The following RPH3AL variants were observed in gnomAD, a reference collection of about 807,000 sequenced individuals.
RPH3AL encodes the protein rabphilin 3A like (without C2 domains), also known as rab effector Noc2.
Under a neutral mutation model 43.1 loss-of-function variants are expected in RPH3AL, and 38 were observed. That is an observed-to-expected ratio of 0.88 (90% confidence interval 0.68 to 1.15). RPH3AL has a LOEUF of 1.15. Ranked by LOEUF, RPH3AL falls within the 50% of genes most tolerant of loss-of-function variation. RPH3AL has a pLI of 0.00. For synonymous variants in RPH3AL, 189 were observed against 176.3 expected (o/e 1.07, Z -0.57); for missense variants, 462 against 423.2 (o/e 1.09, Z -0.81).
chr17:284,221 T>C (rs913300895), intron 5 of RPH3AL, among the ~76,000 whole-genome samples: 2 of 151,804 alleles, frequency 1.3e-5, no homozygotes, highest in African/African-American at 2.4e-5. Flanking sequence ...CGGGCCAGAG[T>C]ATGAAGGAGG....
At chr17:237,695 T>A (rs925875829) in intron 7 of RPH3AL, among the ~76,000 whole-genome samples, 1 of 152,102 alleles carries the variant, frequency 6.6e-6, no homozygotes, top group Non-Finnish European at 1.5e-5. Context: ...CACAGCCCAG[T>A]GACAAGGCTT....
chr17:233,012 C>T (rs936700872), intron 7 of RPH3AL, among the ~76,000 whole-genome samples: 1 of 152,054 alleles, frequency 6.6e-6, no homozygotes, highest in African/African-American at 2.4e-5. Flanking sequence ...AAGAGGCCTT[C>T]CTGGGGCTAG....
At chr17:316,550 CTGACATG>C (rs2044208802) in intron 5 of RPH3AL, among the ~76,000 whole-genome samples, 1 of 97,092 alleles carries the variant, frequency 1.0e-5, no homozygotes, top group Admixed American at 1.1e-4. Context: ...TCCACCTCCA[CTGACATG>C]TAGTCCCTGT....
rs914594480 is a variant in RPH3AL at position 338,188 on chromosome 17, G to A, written c.-212-4254C>T. Among the ~76,000 whole-genome samples the A allele has an allele frequency of 3.3e-5, 5 of 152,308 alleles. No individual in the cohort carries two copies. The East Asian group carries it at 5.8e-4, about 18-fold the overall frequency. On this transcript the variant is annotated intron_variant, in intron 1 of 9. Transcript: ENST00000331302. ...TGACAGCAGGGAAACCAGGCTGGGC[G>A]TGGTGGCTCACACCTGTAACCCCAG...
intron 7 of RPH3AL, among the ~76,000 whole-genome samples, chr17:234,861 A>G (rs1231743261): frequency 2.0e-5 from 3 of 152,230 alleles, no homozygotes; most frequent in East Asian, 3.8e-4. Context: ...AGGGACAGAG[A>G]GAGAAGGAAG....
chr17:324,010 G>A (rs940072048), intron 3 of RPH3AL, among the ~76,000 whole-genome samples: 14 of 151,452 alleles, frequency 9.2e-5, no homozygotes, highest in African/African-American at 2.7e-4. Context: ...CACCCTGCAA[G>A]GCAGGCCCAG....
chr17:231,843 T>C lies in RPH3AL; in HGVS notation c.614-12107A>G, dbSNP rs561914819. Among the ~76,000 whole-genome samples the C allele has an allele frequency of 1.3e-5, 2 of 152,376 alleles. 1 individual carries two copies. The highest frequency in any genetic ancestry group is 4.1e-4 in the South Asian group (2 of 4,832). On this transcript the variant is annotated intron_variant, in intron 7 of 9. Coordinates refer to ENST00000331302, the MANE Select transcript of RPH3AL (RefSeq NM_006987.4). ...TCGGGCAAATTAGAGGCGACAGCCA[T>C]GCTCCTGACCTCCGTGGTGTGGCTG... is the stretch of plus-strand genomic sequence containing the variant.
intron 7 of RPH3AL, among the ~76,000 whole-genome samples, chr17:241,022 A>C (rs897627813): frequency 2.6e-5 from 4 of 151,252 alleles, no homozygotes; most frequent in Non-Finnish European, 5.9e-5. Context: ...GTGCCACTGC[A>C]CTCCAGCCTG....
chr17:299,324 C>A (rs1209083705), intron 5 of RPH3AL, among the ~76,000 whole-genome samples: 3 of 152,166 alleles, frequency 2.0e-5, no homozygotes, highest in Non-Finnish European at 4.4e-5. Context: ...CTCAGTTTAT[C>A]CATCTGTAAC....
chr17:270,943 A>G (rs1185207803), intron 6 of RPH3AL, among the ~76,000 whole-genome samples: 2 of 152,086 alleles, frequency 1.3e-5, no homozygotes, highest in African/African-American at 4.8e-5. Context: ...ATCTTGAATT[A>G]ATTTTTGTAT....
intron 7 of RPH3AL, among the ~76,000 whole-genome samples, chr17:233,601 A>G (rs533319088): frequency 6.6e-6 from 1 of 152,332 alleles, no homozygotes; most frequent in South Asian, 2.1e-4. Flanking sequence ...TGCAAAGGTC[A>G]GGGAGTGAAG....
rs1005815951 is a variant in RPH3AL, at chr17:322,853, T to C, written c.78-1438A>G. ...TTCTCTGTCAGGGGGAGCTGGGGGCTGATGAATGTGAAGATCTAGGGTTTG... is the reference window on the plus strand; with the variant it reads ...TTCTCTGTCAGGGGGAGCTGGGGGCCGATGAATGTGAAGATCTAGGGTTTG... On this transcript the variant is annotated intron_variant, in intron 3 of 9. Coordinates refer to ENST00000331302, the MANE Select transcript of RPH3AL (RefSeq NM_006987.4). This position sits in a 1 kb window ranked among gnomAD's most constrained non-coding sequence, Gnocchi z 4.0. Among the ~76,000 whole-genome samples the C allele has an allele frequency of 6.6e-6, 1 of 152,086 alleles. No homozygotes were observed. The highest frequency in any genetic ancestry group is 1.5e-5 in the Non-Finnish European group (1 of 68,016).
chr17:304,081 T>C (rs71369984), intron 5 of RPH3AL, among the ~76,000 whole-genome samples: 34 of 968 alleles, frequency 0.035, no homozygotes, highest in African/African-American at 0.047. Context: ...GTGACCGTGT[T>C]TCAGGAAAGA....
At chr17:317,804 T>C (rs2044333678) in intron 5 of RPH3AL, among the ~76,000 whole-genome samples, 1 of 152,208 alleles carries the variant, frequency 6.6e-6, no homozygotes, top group African/African-American at 2.4e-5. Context: ...TGAATGCCCC[T>C]GAAAATGCCC....
chr17:320,979 C>A (rs944152081), intron 4 of RPH3AL, among the ~76,000 whole-genome samples: 1 of 152,170 alleles, frequency 6.6e-6, no homozygotes, highest in African/African-American at 2.4e-5. Context: ...TGTGCACAGC[C>A]GAACAGCTCC....
At chr17:288,811 C>G (rs1414204329) in intron 5 of RPH3AL, among the ~76,000 whole-genome samples, 2 of 13,076 alleles carry the variant, frequency 1.5e-4, no homozygotes, top group Non-Finnish European at 2.2e-4. Context: ...GACCTCGCAC[C>G]CTCTCTCCAC....
At chr17:236,601 G>A (rs558194399) in intron 7 of RPH3AL, among the ~76,000 whole-genome samples, 4 of 152,360 alleles carry the variant, frequency 2.6e-5, no homozygotes, top group African/African-American at 9.6e-5. Flanking sequence ...GCTGCAGAGC[G>A]GGCGTCGGGA....
chr17:335,105 G>A (rs977047491), intron 1 of RPH3AL, among the ~76,000 whole-genome samples: 16 of 152,186 alleles, frequency 1.1e-4, no homozygotes, highest in African/African-American at 3.6e-4. Flanking sequence ...CAGCATACCC[G>A]AGCTCCTGAG....
intron 2 of RPH3AL, among the ~76,000 whole-genome samples, chr17:330,228 C>T (rs1310901729): frequency 6.6e-6 from 1 of 152,256 alleles, no homozygotes; most frequent in Admixed American, 6.5e-5. Flanking sequence ...ATGCACATGT[C>T]CAGGCACCTG....
Sources: allele counts gnomAD v4.1 joint callset (sites outside exome capture counted in the v4.1 genomes callset), GRCh38; gene constraint gnomAD v4.1.1; non-coding constraint Gnocchi (gnomAD v3.1); transcripts MANE v1.5; gene names NCBI Gene and HGNC (gene_info 2026-07-23, HGNC 2026-07-21).